MAN2A1: variants seen among roughly 807,000 people sequenced by gnomAD.
MAN2A1 encodes the protein mannosidase alpha class 2A member 1.
MAN2A1 carries 76 observed loss-of-function variants against 142.6 expected under a neutral mutation model. The observed-to-expected ratio is 0.53, with a 90% CI of 0.44 to 0.65. The LOEUF is 0.65. MAN2A1 is among the 30% of genes least tolerant of loss of function. The probability of loss-of-function intolerance (pLI) is 0.00; values close to 1 mark genes in which losing one functional copy is unlikely to be tolerated. For missense variants in MAN2A1, 1,311 were observed against 1,365.1 expected, an observed-to-expected ratio of 0.96 and a Z score of 0.62; for synonymous variants, 559 against 473.2, an observed-to-expected ratio of 1.18 and a Z score of -2.35.
chr5:109,693,652 G>A (rs964695339), intron 1 of MAN2A1, among the ~76,000 whole-genome samples: 1 of 151,922 alleles, frequency 6.6e-6, no homozygotes, highest in African/African-American at 2.4e-5. Flanking sequence ...CCATTTGGCT[G>A]GACTCTGGGG....
chr5:109,803,385 G>GGTTC (rs1197238949), intron 12 of MAN2A1, among the ~76,000 whole-genome samples: 1 of 151,916 alleles, frequency 6.6e-6, no homozygotes, highest in African/African-American at 2.4e-5. Context: ...CTAATTGCAT[G>GGTTC]GTTCTAGTTT....
chr5:109,760,882 C>G (rs1429562330), intron 5 of MAN2A1, among the ~76,000 whole-genome samples: 1 of 151,866 alleles, frequency 6.6e-6, no homozygotes. Context: ...CTTTATTAGT[C>G]TTACTAGCTA....
At chr5:109,731,411 T>A (rs998221731) in intron 4 of MAN2A1, among the ~76,000 whole-genome samples, 12 of 151,764 alleles carry the variant, frequency 7.9e-5, no homozygotes, top group African/African-American at 2.9e-4. Flanking sequence ...TGCACAATGT[T>A]CAGGTTAGTT....
intron 16 of MAN2A1, 33 bp from the exon 17 acceptor site, chr5:109,842,295 T>C: frequency 7.2e-7 from 1 of 1,386,718 alleles, no homozygotes; most frequent in Non-Finnish European, 9.7e-7. Flanking sequence ...GTAATTTCTT[T>C]CTATTAATCC....
chr5:109,716,100 T>C lies in MAN2A1; in HGVS notation c.391-20T>C. ...ATTAATAATTGTTAAACTTTAATTT[T>C]TTTTCTTTTACATTTTTAGATGTTG... On this transcript the variant is annotated intron_variant, in intron 2 of 21. Coordinates refer to ENST00000261483, the MANE Select transcript of MAN2A1 (RefSeq NM_002372.4). 1 of 1,551,320 alleles carries C rather than the reference T, an allele frequency of 6.4e-7. No individual in the cohort carries two copies.
intron 4 of MAN2A1, among the ~76,000 whole-genome samples, chr5:109,751,735 T>C (rs2301000): frequency 0.18 from 26,662 of 152,078 alleles, 3,296 homozygotes; most frequent in East Asian, 0.64. Flanking sequence ...TGCTCTTTAT[T>C]ACTCTTCTCT....
intron 12 of MAN2A1, among the ~76,000 whole-genome samples, chr5:109,790,411 A>G (rs1753708344): frequency 6.6e-6 from 1 of 151,980 alleles, no homozygotes; most frequent in Non-Finnish European, 1.5e-5. Flanking sequence ...TAGTTGTCTA[A>G]ATTTCTTTAG....
intron 7 of MAN2A1, among the ~76,000 whole-genome samples, chr5:109,773,858 G>A (rs1232986033): frequency 6.6e-6 from 1 of 152,100 alleles, no homozygotes; most frequent in Non-Finnish European, 1.5e-5. Context: ...TCCTTGAAGT[G>A]AAAATTATAA....
At chr5:109,775,483 T>G (rs1009395538) in intron 8 of MAN2A1, among the ~76,000 whole-genome samples, 10 of 152,056 alleles carry the variant, frequency 6.6e-5, no homozygotes, top group African/African-American at 2.4e-4. Flanking sequence ...CTTACTCTTT[T>G]TTTTTTTCTT....
intron 16 of MAN2A1, among the ~76,000 whole-genome samples, chr5:109,827,412 C>T (rs1463664603): frequency 6.6e-6 from 1 of 152,164 alleles, no homozygotes; most frequent in Non-Finnish European, 1.5e-5. Context: ...GTTCTTTGAC[C>T]CTTTTCTCCC....
chr5:109,797,830 C>G (rs891366157), intron 12 of MAN2A1, among the ~76,000 whole-genome samples: 9 of 152,162 alleles, frequency 5.9e-5, no homozygotes, highest in Middle Eastern at 6.8e-3. Flanking sequence ...TAATATAGAA[C>G]AAACGCTAGA....
intron 8 of MAN2A1, among the ~76,000 whole-genome samples, chr5:109,777,897 T>G (rs1056378873): frequency 7.2e-5 from 11 of 152,146 alleles, no homozygotes; most frequent in African/African-American, 1.9e-4. Context: ...CTACACTCTC[T>G]ATTCACTTTT....
rs931962510 is a variant in MAN2A1, at chr5:109,729,457, T to A, written c.651T>A (p.Ser217=). 2 of 1,595,220 alleles carry A rather than the reference T, an allele frequency of 1.3e-6. No individual in the cohort carries two copies. Among genetic ancestry groups the A allele is most frequent in the Non-Finnish European group, 1.7e-6 (2 of 1,168,828 alleles). The part of the protein sequence containing the change: ...SRRKFIWSEI[S]YLSKWWDIID... ...GGAAGTTTATTTGGTCTGAGATCTC[T>A]TACCTTTCAAAGTGGTGGGATATTA... The change falls in exon 4 of 22, where the codon TCT becomes TCA. Residue 217 remains serine, a synonymous_variant. Coordinates refer to ENST00000261483, the MANE Select transcript of MAN2A1 (RefSeq NM_002372.4).
At chr5:109,759,966 G>T (rs1045017836) in intron 5 of MAN2A1, among the ~76,000 whole-genome samples, 123 of 28,440 alleles carry the variant, frequency 4.3e-3, no homozygotes, top group Middle Eastern at 0.023. Flanking sequence ...TATATATATA[G>T]ATAGATAGAT....
intron 1 of MAN2A1, among the ~76,000 whole-genome samples, chr5:109,710,063 T>C (rs1751251860): frequency 6.6e-6 from 1 of 152,218 alleles, no homozygotes; most frequent in Non-Finnish European, 1.5e-5. Context: ...AGGGAGACTT[T>C]ATTCCACCGC....
At chr5:109,809,069 T>C (rs1754251054) in intron 12 of MAN2A1, among the ~76,000 whole-genome samples, 1 of 152,080 alleles carries the variant, frequency 6.6e-6, no homozygotes, top group African/African-American at 2.4e-5. Flanking sequence ...TAAGTTATAG[T>C]TTTTTCTGAT....
At chr5:109,788,275 G>A (rs1753646167) in intron 10 of MAN2A1, among the ~76,000 whole-genome samples, 1 of 150,874 alleles carries the variant, frequency 6.6e-6, no homozygotes, top group Non-Finnish European at 1.5e-5. Context: ...TGCTTCAGCA[G>A]TAGCGGATGT....
intron 4 of MAN2A1, among the ~76,000 whole-genome samples, chr5:109,731,971 C>A (rs1369092921): frequency 6.6e-6 from 1 of 151,934 alleles, no homozygotes; most frequent in Non-Finnish European, 1.5e-5. Flanking sequence ...AGTTTACAGT[C>A]CCACCAATAG....
At chr5:109,843,234 A>G (rs1169732305) in intron 17 of MAN2A1, among the ~76,000 whole-genome samples, 3 of 152,266 alleles carry the variant, frequency 2.0e-5, no homozygotes, top group East Asian at 1.9e-4. Context: ...GAAACTTACA[A>G]TCGTAGAGGA....
Sources: allele counts gnomAD v4.1 joint callset (sites outside exome capture counted in the v4.1 genomes callset), GRCh38; gene constraint gnomAD v4.1.1; transcripts MANE v1.5; gene names NCBI Gene and HGNC (gene_info 2026-07-23, HGNC 2026-07-21).